Variants in C6orf132 observed in about 807,000 individuals in gnomAD.
C6orf132 encodes uncharacterized protein C6orf132.
A neutral mutation model predicts 65.3 loss-of-function variants in C6orf132; 43 were observed. That is an observed-to-expected ratio of 0.66 (90% CI 0.52 to 0.85). The LOEUF is 0.85. C6orf132 is among the 40% of genes least tolerant of loss of function. The pLI, the probability that C6orf132 is intolerant of heterozygous loss-of-function variation, is 0.00. For synonymous variants in C6orf132, 631 were observed against 654.1 expected, an observed-to-expected ratio of 0.96 and a Z score of 0.54; for missense variants, 1,488 against 1,548.8, an observed-to-expected ratio of 0.96 and a Z score of 0.66.
At chr6:42,130,368 C>T (rs1475705749) in intron 1 of C6orf132, among the ~76,000 whole-genome samples, 1 of 152,238 alleles carries the variant, frequency 6.6e-6, no homozygotes, top group Non-Finnish European at 1.5e-5. Context: ...AAGTAGCTCA[C>T]ACCCAACAGC....
At chr6:42,108,810 C>T (rs1264253634) in intron 3 of C6orf132, among the ~76,000 whole-genome samples, 1 of 152,140 alleles carries the variant, frequency 6.6e-6, no homozygotes, top group Non-Finnish European at 1.5e-5. Flanking sequence ...TGCTCCCCTC[C>T]TCTCAGTCCC....
chr6:42,120,361 C>G (rs1408181566), intron 2 of C6orf132, among the ~76,000 whole-genome samples: 1 of 150,666 alleles, frequency 6.6e-6, no homozygotes, highest in Non-Finnish European at 1.5e-5. Flanking sequence ...ATTCTCCTGT[C>G]TCAGCCTCCC....
At position 42,133,127 on chromosome 6, in the gene C6orf132, G is replaced by A. The variant is rs539933435; in HGVS notation, c.146-4349C>T. ...TTTCCTATTGGAAGTGATGAACTTT[G>A]CTCAGATCACAGGTCAGGGATGCTG... On this transcript the variant is annotated intron_variant, in intron 1 of 4. Transcript: ENST00000341865. Among the ~76,000 whole-genome samples, 10 of 152,334 alleles carry A rather than the reference G, an allele frequency of 6.6e-5. No individual in the cohort carries two copies. The East Asian group carries it at 1.7e-3, about 26-fold the overall frequency.
intron 2 of C6orf132, among the ~76,000 whole-genome samples, chr6:42,121,234 C>T (rs1468002091): frequency 6.6e-6 from 1 of 152,196 alleles, no homozygotes. Context: ...TGGGCCACTG[C>T]TCCGGGCACA....
At chr6:42,120,939 T>C (rs775352318) in intron 2 of C6orf132, among the ~76,000 whole-genome samples, 13 of 152,176 alleles carry the variant, frequency 8.5e-5, no homozygotes, top group African/African-American at 2.9e-4. Flanking sequence ...TTTTTAATTA[T>C]TGTGATTGAG....
intron 2 of C6orf132, among the ~76,000 whole-genome samples, chr6:42,119,341 CTTTTTTT>C (rs36124736): frequency 2.6e-5 from 2 of 78,214 alleles, no homozygotes; most frequent in Non-Finnish European, 4.5e-5. Flanking sequence ...AGCTTTCCAG[CTTTTTTT>C]TTTTTTTTTT....
rs551628103 is a variant in C6orf132, at chr6:42,103,076, A to G, written c.*685T>C. The G allele has an allele frequency of 4.3e-5, 17 of 398,700 alleles. No individual in the cohort carries two copies. The South Asian group carries it at 2.0e-3, about 48-fold the overall frequency. The allele number at this position is 398,700 out of a possible 1,614,324, so 24.7% of individuals were successfully genotyped here. On this transcript the variant is annotated 3_prime_UTR_variant, in exon 5 of 5. Coordinates refer to ENST00000341865, the MANE Select transcript of C6orf132 (RefSeq NM_001164446.3). Reference sequence around the variant, plus strand: ...AGCTAAGGGCTAGGGCCAAGGAAAAATGAACCATCAATCTCCCACCTCTGC... The same window carrying G: ...AGCTAAGGGCTAGGGCCAAGGAAAAGTGAACCATCAATCTCCCACCTCTGC...
At chr6:42,130,025 C>T (rs3935377) in intron 1 of C6orf132, among the ~76,000 whole-genome samples, 28,639 of 152,238 alleles carry the variant, frequency 0.19, 2,811 homozygotes, top group Middle Eastern at 0.23. Flanking sequence ...GCACCCCATG[C>T]GAGCATCTGG....
At chr6:42,119,414 G>A (rs1582276338) in intron 2 of C6orf132, among the ~76,000 whole-genome samples, 2 of 125,672 alleles carry the variant, frequency 1.6e-5, no homozygotes, top group East Asian at 2.3e-4. Flanking sequence ...GTGCAATTTC[G>A]GCTCACTGCA....
At chr6:42,122,143 G>A (rs1052909215) in intron 2 of C6orf132, among the ~76,000 whole-genome samples, 3 of 152,200 alleles carry the variant, frequency 2.0e-5, no homozygotes, top group African/African-American at 7.2e-5. Flanking sequence ...CCAGAAAAGA[G>A]TGTCCACCCA....
In C6orf132 at chr6:42,104,933, GC is replaced by G; in HGVS notation, c.2978del (p.Ser993ThrfsTer28). On this transcript the variant is annotated frameshift_variant, in exon 4 of 5. Coordinates refer to ENST00000341865, the MANE Select transcript of C6orf132 (RefSeq NM_001164446.3). LOFTEE classifies it high-confidence loss of function. This position sits in a 1 kb window ranked among gnomAD's most constrained non-coding sequence, Gnocchi z 4.1. ...CCGGGGCCGGGGGCTCAGGGTCATTGCTGAACTCTGGCGGCGGTGGGATGAC... is the reference window on the plus strand; with the variant it reads ...CCGGGGCCGGGGGCTCAGGGTCATTGTGAACTCTGGCGGCGGTGGGATGAC... ...FEVIPPPPEFSNDPEPPAPAL... is the reference protein window; with the variant it reads ...FEVIPPPPEFXNDPEPPAPAL... 6.8e-7 allele frequency: 1 copy of G among 1,476,276 alleles called. No individual in the cohort carries two copies. Among genetic ancestry groups the G allele is most frequent in the South Asian group, 1.3e-5 (1 of 74,172 alleles). 91.4% of individuals were successfully genotyped at this position (1,476,276 alleles called of 1,614,324 possible).
Position 42,106,257 on chromosome 6 carries a change from T to A in C6orf132, c.1655A>T (p.Asp552Val). 6.5e-7 allele frequency: 1 copy of A among 1,537,068 alleles called. No individual in the cohort carries two copies. Among genetic ancestry groups the A allele is most frequent in the Non-Finnish European group, 8.7e-7 (1 of 1,146,884 alleles). The change falls in exon 4 of 5, where the codon GAC (aspartate) becomes GTC (valine). Residue 552 changes from aspartate to valine, a missense_variant. Coordinates refer to ENST00000341865, the MANE Select transcript of C6orf132 (RefSeq NM_001164446.3). Reference protein sequence around the residue: ...AAPSLTLPSVDYIPQDSPTPS... With the variant: ...AAPSLTLPSVVYIPQDSPTPS... ...AGTTGGAGAGTCTTGGGGAATGTAG[T>A]CCACAGAGGGCAGGGTCAGGCTGGG...
In C6orf132 at chr6:42,101,570, T is replaced by C. The variant is rs999289346; in HGVS notation, c.*2191A>G. 7.9e-5 allele frequency: 12 copies of C among 152,242 alleles called. No individual in the cohort carries two copies. Among genetic ancestry groups the C allele is most frequent in the African/African-American group, 2.9e-4 (12 of 41,424 alleles). The allele number at this position is 152,242 out of a possible 1,614,324, so 9.4% of individuals were successfully genotyped here. ...AGGCCAGTCCAAACTGGCCTGTTTA[T>C]CTTCCAAGTCAAGTGAGACTCAGCC... On this transcript the variant is annotated 3_prime_UTR_variant, in exon 5 of 5. Coordinates refer to ENST00000341865, the MANE Select transcript of C6orf132 (RefSeq NM_001164446.3).
chr6:42,118,444 G>T (rs9381144), intron 2 of C6orf132, among the ~76,000 whole-genome samples: 25,183 of 152,172 alleles, frequency 0.17, 2,237 homozygotes, highest in African/African-American at 0.2. Context: ...TCAGGAAAAT[G>T]ACAGACTTAG....
At position 42,105,940 on chromosome 6, in the gene C6orf132, A is replaced by C. The variant is rs1448805884; in HGVS notation, c.1972T>G (p.Trp658Gly). 6 of 1,536,036 alleles carry C rather than the reference A, an allele frequency of 3.9e-6. No homozygotes were observed. Among genetic ancestry groups the C allele is most frequent in the African/African-American group, 1.4e-5 (1 of 72,678 alleles). ...EPAIPPKATL[W>G]PATPPKATLG... ...GTGGCCTTGGGTGGTGTGGCTGGCC[A>C]AAGTGTAGCCTTGGGTGGTATGGCT... The change falls in exon 4 of 5, where the codon TGG becomes GGG. Residue 658 changes from tryptophan to glycine, a missense_variant. Physicochemically the swap from Trp to Gly is radical, Grantham distance 184. Coordinates refer to ENST00000341865, the MANE Select transcript of C6orf132 (RefSeq NM_001164446.3).
chr6:42,125,706 A>G (rs1766753699), intron 2 of C6orf132, among the ~76,000 whole-genome samples: 1 of 152,236 alleles, frequency 6.6e-6, no homozygotes, highest in Non-Finnish European at 1.5e-5. Context: ...GCTCCCAGGA[A>G]GTATTTCCCC....
rs941775644 is a variant in C6orf132, at chr6:42,104,769, G to T, written c.3143C>A (p.Ala1048Asp). 3.3e-6 allele frequency: 5 copies of T among 1,511,728 alleles called. No individual in the cohort carries two copies. Among genetic ancestry groups the T allele is most frequent in the Non-Finnish European group, 4.4e-6 (5 of 1,136,588 alleles). The allele number at this position is 1,511,728 out of a possible 1,614,324, so 93.6% of individuals were successfully genotyped here. ...RFPAGARYAG[A>D]GGLERFSGGG... is the part of the protein sequence containing the mutation. ...TCCCGAGAAGCGCTCCAGGCCCCCA[G>T]CCCCGGCGTAGCGCGCGCCCGCGGG... is the stretch of plus-strand genomic sequence containing the variant. The change falls in exon 4 of 5, where the codon GCT becomes GAT. Residue 1048 changes from alanine to aspartate, a missense_variant. By Grantham distance (126) the Ala-to-Asp change is moderately radical. Coordinates refer to ENST00000341865, the MANE Select transcript of C6orf132 (RefSeq NM_001164446.3). The surrounding 1 kb of genome is among the most constrained non-coding windows in gnomAD (Gnocchi z 4.1).
chr6:42,105,133 T>G lies in C6orf132; in HGVS notation c.2779A>C (p.Thr927Pro). The change falls in exon 4 of 5, where the codon ACA becomes CCA. Residue 927 changes from threonine (T) to proline (P), a missense_variant. Thr to Pro is a conservative substitution (Grantham distance 38). Coordinates refer to ENST00000341865, the MANE Select transcript of C6orf132 (RefSeq NM_001164446.3). ...CAGTTGTGCCTGCGGCTCAGCTCTG[T>G]GCCCTCTGCGTCTCTTCCCAGCCGC... ...GPRLGRDAEG[T>P]ELSRRHNWTK... 6.5e-7 allele frequency: 1 copy of G among 1,536,982 alleles called. No individual in the cohort carries two copies. The highest frequency in any genetic ancestry group is 8.7e-7 in the Non-Finnish European group (1 of 1,146,812).
Position 42,142,590 on chromosome 6 carries a change from G to T in C6orf132, c.-146C>A. The T allele has an allele frequency of 8.9e-6, 6 of 674,390 alleles. No individual in the cohort carries two copies. The highest frequency in any genetic ancestry group is 8.6e-6 in the Non-Finnish European group (4 of 463,008). 41.8% of individuals were successfully genotyped at this position (674,390 alleles called of 1,614,324 possible). On this transcript the variant is annotated 5_prime_UTR_variant, in exon 1 of 5. Transcript: ENST00000341865. ...TCCCCGCCCGCGCACCGGGCAACAG[G>T]TGCTGCGGGCGCCGCCGCTTGCCGG...
Sources: gnomAD v4.1 joint callset for allele counts (sites outside exome capture counted in the v4.1 genomes callset) on GRCh38, gnomAD v4.1.1 for gene constraint, Gnocchi (gnomAD v3.1) non-coding constraint, MANE v1.5 for transcripts, NCBI Gene and HGNC (gene_info 2026-07-23, HGNC 2026-07-21) for gene names.